RAP1GAP2: variants seen among roughly 807,000 people sequenced by gnomAD.
RAP1GAP2 encodes rap1 GTPase-activating protein 2.
A neutral mutation model predicts 95.0 loss-of-function variants in RAP1GAP2; 27 were observed. The ratio of observed to expected loss-of-function variants is 0.28; its 90% CI spans 0.21 to 0.39. The LOEUF is 0.39. Among genes scored for constraint, RAP1GAP2 ranks in the 10% least tolerant of loss-of-function variants. RAP1GAP2 has a pLI of 1.00. For missense variants in RAP1GAP2, 771 were observed against 970.0 expected, an observed-to-expected ratio of 0.79 and a Z score of 2.72; for synonymous variants, 373 against 380.9, an observed-to-expected ratio of 0.98 and a Z score of 0.24.
At chr17:2,954,311 A>G (rs1350160648) in intron 3 of RAP1GAP2, among the ~76,000 whole-genome samples, 3 of 151,672 alleles carry the variant, frequency 2.0e-5, no homozygotes, top group Admixed American at 6.6e-5. Flanking sequence ...TCACCGTGTT[A>G]GCCAGGATGG....
chr17:3,024,480 T>A (rs575542130), intron 19 of RAP1GAP2, among the ~76,000 whole-genome samples: 3 of 152,162 alleles, frequency 2.0e-5, no homozygotes, highest in Non-Finnish European at 4.4e-5. Flanking sequence ...TGGAAAAGAG[T>A]CTGGCAGTTC....
At chr17:2,848,956 G>T (rs571086861) in intron 2 of RAP1GAP2, among the ~76,000 whole-genome samples, 1 of 152,186 alleles carries the variant, frequency 6.6e-6, no homozygotes, top group African/African-American at 2.4e-5. Context: ...CAACTGTGCT[G>T]TGGCCCAGCA....
intron 2 of RAP1GAP2, among the ~76,000 whole-genome samples, chr17:2,863,166 C>G (rs2072478573): frequency 6.6e-6 from 1 of 151,978 alleles, no homozygotes; most frequent in Non-Finnish European, 1.5e-5. Flanking sequence ...TGGTTGAACC[C>G]TGAAGAGGGT....
Position 3,003,450 on chromosome 17 carries a change from C to T in RAP1GAP2, c.1201-1919C>T, listed in dbSNP as rs1410182471. Among the ~76,000 whole-genome samples, 1 of 152,130 alleles carries T rather than the reference C, an allele frequency of 6.6e-6. No homozygotes were observed. Among genetic ancestry groups the T allele is most frequent in the Non-Finnish European group, 1.5e-5 (1 of 68,026 alleles). ...AGGTGAAGCCCACCGCCGGGGAGGG[C>T]CCTGTCTTTGTAGCCCCCTCCCCGT... On this transcript the variant is annotated intron_variant, in intron 14 of 24. Transcript: ENST00000254695. The surrounding 1 kb of genome is among the most constrained non-coding windows in gnomAD (Gnocchi z 4.1).
intron 3 of RAP1GAP2, among the ~76,000 whole-genome samples, chr17:2,908,000 A>T (rs2042256343): frequency 6.6e-6 from 1 of 151,468 alleles, no homozygotes; most frequent in South Asian, 2.1e-4. Flanking sequence ...AGAGACGGGG[A>T]TTCACCATGT....
chr17:2,989,094 A>AAAC (rs1279520627), intron 11 of RAP1GAP2, among the ~76,000 whole-genome samples: 103 of 113,838 alleles, frequency 9.0e-4, no homozygotes, highest in African/African-American at 4.1e-3. Flanking sequence ...AAACAAAACA[A>AAAC]AAAAAAAACT....
At chr17:2,839,922 C>T (rs138151816) in intron 2 of RAP1GAP2, among the ~76,000 whole-genome samples, 356 of 152,190 alleles carry the variant, frequency 2.3e-3, no homozygotes, top group African/African-American at 7.8e-3. Flanking sequence ...CCTCAGCCTC[C>T]GGAGTAGCTG....
In RAP1GAP2 at chr17:2,912,599, A is replaced by G. The variant is rs1164642959; in HGVS notation, c.165+7231A>G. ...CTTCAAGAAAACCCTGTGTAGGGAC[A>G]GGAGAGGACAGATATATATTCCCTC... is the stretch of plus-strand genomic sequence containing the variant. On this transcript the variant is annotated intron_variant, in intron 3 of 24. Transcript: ENST00000254695. 2.0e-5 allele frequency among the ~76,000 whole-genome samples: 3 copies of G among 152,102 alleles called. No individual in the cohort carries two copies. The South Asian group carries it at 6.2e-4, about 32-fold the overall frequency.
chr17:2,916,645 G>A (rs2042578509), intron 3 of RAP1GAP2, among the ~76,000 whole-genome samples: 1 of 152,188 alleles, frequency 6.6e-6, no homozygotes, highest in Admixed American at 6.5e-5. Context: ...TAGGGACGGT[G>A]GCCACCGGGA....
Position 2,866,399 on chromosome 17 carries a change from C to G in RAP1GAP2, c.81-38885C>G, listed in dbSNP as rs1449662216. ...GAGGCTTCCCTGCTCCCCGCCTCCC[C>G]TAGACTCAGGGCAGTTGGTACCCCA... On this transcript the variant is annotated intron_variant, in intron 2 of 24. Transcript: ENST00000254695. This position sits in a 1 kb window ranked among gnomAD's most constrained non-coding sequence, Gnocchi z 4.0. Among the ~76,000 whole-genome samples the G allele has an allele frequency of 6.6e-6, 1 of 152,148 alleles. No homozygotes were observed. The highest frequency in any genetic ancestry group is 1.5e-5 in the Non-Finnish European group (1 of 68,030).
chr17:2,918,244 G>T lies in RAP1GAP2; in HGVS notation c.165+12876G>T, dbSNP rs567398164. On this transcript the variant is annotated intron_variant, in intron 3 of 24. Transcript: ENST00000254695. ...AGGTCAGGAGTTCAAGACCAGCCTG[G>T]CCAATATGGTGAAACCTGTTTCTAC... Among the ~76,000 whole-genome samples, 5 of 151,632 alleles carry T rather than the reference G, an allele frequency of 3.3e-5. No homozygotes were observed. The East Asian group carries it at 9.7e-4, about 29-fold the overall frequency.
intron 10 of RAP1GAP2, among the ~76,000 whole-genome samples, chr17:2,983,240 A>G (rs1305364573): frequency 6.6e-6 from 1 of 151,356 alleles, no homozygotes; most frequent in Non-Finnish European, 1.5e-5. Flanking sequence ...TCTTTTTTAA[A>G]TGTCACATTT....
chr17:2,983,100 C>T (rs2045428676), intron 10 of RAP1GAP2, among the ~76,000 whole-genome samples: 1 of 152,220 alleles, frequency 6.6e-6, no homozygotes, highest in Admixed American at 6.5e-5. Flanking sequence ...AGACAGCTGA[C>T]AGCTGAGAGC....
At chr17:2,872,871 CA>C (rs2072905031) in intron 2 of RAP1GAP2, among the ~76,000 whole-genome samples, 1 of 151,958 alleles carries the variant, frequency 6.6e-6, no homozygotes, top group Non-Finnish European at 1.5e-5. Flanking sequence ...CTTTGTTGCC[CA>C]GGCCTGGTCT....
At position 3,020,011 on chromosome 17, in the gene RAP1GAP2, C is replaced by T. The variant is rs1281845811; in HGVS notation, c.1633-466C>T. Among the ~76,000 whole-genome samples, 5 of 152,368 alleles carry T rather than the reference C, an allele frequency of 3.3e-5. No homozygotes were observed. In the South Asian group the frequency reaches 8.3e-4, roughly 25 times the overall value. ...CTGTCTTGTTATTGGAACGCCTGCG[C>T]GGCTCCATTTGTTTGCGAGGAATGA... On this transcript the variant is annotated intron_variant, in intron 18 of 24. Transcript: ENST00000254695.
chr17:2,915,866 T>G (rs937359580), intron 3 of RAP1GAP2, among the ~76,000 whole-genome samples: 2 of 151,944 alleles, frequency 1.3e-5, no homozygotes, highest in African/African-American at 4.8e-5. Flanking sequence ...CCTGGCTGAT[T>G]TTTTTGTATT....
At chr17:2,874,439 C>A (rs964050859) in intron 2 of RAP1GAP2, among the ~76,000 whole-genome samples, 1 of 152,142 alleles carries the variant, frequency 6.6e-6, no homozygotes, top group Non-Finnish European at 1.5e-5. Flanking sequence ...CCCGGGCTGA[C>A]GGAGGCATTG....
intron 2 of RAP1GAP2, among the ~76,000 whole-genome samples, chr17:2,771,777 A>C (rs1247829112): frequency 1.3e-5 from 2 of 152,092 alleles, no homozygotes; most frequent in African/African-American, 2.4e-5. Flanking sequence ...AGCGTGAGCC[A>C]CTGTGCCCGG....
In RAP1GAP2 at chr17:2,965,777, C is replaced by A; in HGVS notation, c.596+134C>A. The A allele has an allele frequency of 1.5e-6, 1 of 677,120 alleles. No individual in the cohort carries two copies. The highest frequency in any genetic ancestry group is 2.5e-6 in the Non-Finnish European group (1 of 399,122). The allele number at this position is 677,120 out of a possible 1,614,324, so 41.9% of individuals were successfully genotyped here. A position where few individuals can be genotyped will look rare whatever the true frequency, so the allele number is the denominator to read the frequency against. ...GGGTGCACTGGCTGACGGGGACAGG[C>A]CTGCTGGAATCCTGGGGCTGTGTCT... is the stretch of plus-strand genomic sequence containing the variant. On this transcript the variant is annotated intron_variant, in intron 8 of 24. Coordinates refer to ENST00000254695, the MANE Select transcript of RAP1GAP2 (RefSeq NM_015085.5). The surrounding 1 kb of genome is among the most constrained non-coding windows in gnomAD (Gnocchi z 4.7).
Sources: allele counts gnomAD v4.1 joint callset (sites outside exome capture counted in the v4.1 genomes callset), GRCh38; gene constraint gnomAD v4.1.1; non-coding constraint Gnocchi (gnomAD v3.1); transcripts MANE v1.5; gene names NCBI Gene and HGNC (gene_info 2026-07-23, HGNC 2026-07-21).